Variants in REXO1 observed in about 807,000 individuals in gnomAD.
REXO1 encodes the protein REX1, RNA exonuclease 1 homolog.
A neutral mutation model predicts 102.6 loss-of-function variants in REXO1; 42 were observed. The ratio of observed to expected loss-of-function variants is 0.41; its 90% CI spans 0.32 to 0.53. The LOEUF is 0.53. Ranked by LOEUF, REXO1 falls within the 20% of genes least tolerant of loss-of-function variation. The pLI is 0.27. For missense variants in REXO1, 1,819 were observed against 1,732.5 expected (o/e 1.05, Z -0.89); for synonymous variants, 908 against 779.1 (o/e 1.17, Z -2.76).
intron 1 of REXO1, among the ~76,000 whole-genome samples, chr19:1,846,972 C>T (rs902744688): frequency 6.6e-6 from 1 of 152,202 alleles, no homozygotes; most frequent in African/African-American, 2.4e-5. Context: ...GCCTTCTTCA[C>T]CAACTCCCAG....
Position 1,821,680 on chromosome 19 carries a change from G to A in REXO1, c.2233C>T (p.Pro745Ser). The A allele has an allele frequency of 6.2e-7, 1 of 1,609,896 alleles. No individual in the cohort carries two copies. The highest frequency in any genetic ancestry group is 2.2e-5 in the East Asian group (1 of 44,794). ...HIPNPRLAAAPTGAKRTLAAS... is the reference protein window; with the variant it reads ...HIPNPRLAAASTGAKRTLAAS... ...GCAAGGGTCCTCTTGGCACCTGTGG[G>A]GGCTGGCGGGGCACAGGGGGTGTGG... Residue 745 changes from proline (P) to serine (S), a missense_variant and splice_region_variant, in exon 5 of 16, where the codon CCC (proline) becomes TCC (serine). Pro to Ser is a moderately conservative substitution (Grantham distance 74, BLOSUM62 -1). Coordinates refer to ENST00000170168, the MANE Select transcript of REXO1 (RefSeq NM_020695.4).
intron 3 of REXO1, chr19:1,823,992 C>T: frequency 2.5e-6 from 1 of 395,076 alleles, no homozygotes; most frequent in East Asian, 3.6e-5. Flanking sequence ...CCCCCACTCC[C>T]AGTGTCTCCC....
At position 1,818,824 on chromosome 19, in the gene REXO1, G is replaced by A. The variant is rs1435121142; in HGVS notation, c.2784C>T (p.Arg928=). The part of the protein sequence containing the change: ...EDLKGAALYS[R]LREYLLTQDQ... ...CCTGGGTGAGCAGGTACTCCCTGAGGCGGCTGTACAGGGCAGCCCCTGTGG... is the reference window on the plus strand; with the variant it reads ...CCTGGGTGAGCAGGTACTCCCTGAGACGGCTGTACAGGGCAGCCCCTGTGG... Residue 928 remains arginine (R), a synonymous_variant, in exon 9 of 16, where the codon CGC becomes CGT. Coordinates refer to ENST00000170168, the MANE Select transcript of REXO1 (RefSeq NM_020695.4). The A allele has an allele frequency of 3.1e-6, 5 of 1,609,232 alleles. No homozygotes were observed. Among genetic ancestry groups the A allele is most frequent in the African/African-American group, 1.3e-5 (1 of 74,930 alleles).
rs769220453 is a variant in REXO1, at chr19:1,826,936, C to T, written c.1853G>A (p.Arg618Gln). ...GACGCTGGTGGACTCGTTGAAGATC[C>T]GCAGGCACTCCTCCATGGGGTCGGA... ...FDSDPMEECL[R>Q]IFNESTSVKT... The change falls in exon 2 of 16, where the codon CGG (arginine) becomes CAG (glutamine). Residue 618 changes from arginine (R) to glutamine (Q), a missense_variant. By Grantham distance (43) the Arg-to-Gln change is conservative. Coordinates refer to ENST00000170168, the MANE Select transcript of REXO1 (RefSeq NM_020695.4). The surrounding 1 kb of genome is among the most constrained non-coding windows in gnomAD (Gnocchi z 4.3). 1.5e-5 allele frequency: 24 copies of T among 1,582,956 alleles called. No homozygotes were observed. Among genetic ancestry groups the T allele is most frequent in the South Asian group, 2.3e-5 (2 of 86,978 alleles).
At chr19:1,819,487 G>A (rs2069469331) in intron 7 of REXO1, among the ~76,000 whole-genome samples, 1 of 152,198 alleles carries the variant, frequency 6.6e-6, no homozygotes, top group South Asian at 2.1e-4. Context: ...AGCCTGCGAC[G>A]CCAACCCAGG....
rs565266359 is a variant in REXO1 at position 1,827,066 on chromosome 19, G to T, written c.1723C>A (p.Pro575Thr). 5.1e-6 allele frequency: 4 copies of T among 788,598 alleles called. No individual in the cohort carries two copies. The highest frequency in any genetic ancestry group is 2.9e-5 in the South Asian group (2 of 68,094). 48.9% of individuals were successfully genotyped at this position (788,598 alleles called of 1,614,324 possible). A position where few individuals can be genotyped will look rare whatever the true frequency, so the allele number is the denominator to read the frequency against. Residue 575 changes from proline to threonine, a missense_variant, in exon 2 of 16, where the codon CCC becomes ACC. Coordinates refer to ENST00000170168, the MANE Select transcript of REXO1 (RefSeq NM_020695.4). ...GPPKRLKASP[P>T]PSPAPSSSSS... ...GAGGAGGATGGGGCGGGGGAGGGGG[G>T]CGGGGAGGCCTTGAGCCGCTTGGGC...
In REXO1 at chr19:1,819,075, C is replaced by T. The variant is rs146851399; in HGVS notation, c.2707G>A (p.Ala903Thr). The change falls in exon 8 of 16, where the codon GCC (alanine) becomes ACC (threonine). Residue 903 changes from alanine (A) to threonine (T), a missense_variant. Physicochemically the swap from Ala to Thr is moderately conservative, Grantham distance 58 (BLOSUM62 0). Coordinates refer to ENST00000170168, the MANE Select transcript of REXO1 (RefSeq NM_020695.4). ...HEVVLGGRLA[A>T]KTSFSLSRPS... ...CGGCTGAGCGAGAAGCTGGTCTTGG[C>T]GGCCAACCTGCCCCCCAACACCACC... The T allele has an allele frequency of 3.5e-4, 564 of 1,599,024 alleles. 2 individuals are homozygous for T. In the African/African-American group the frequency reaches 4.5e-3, roughly 13 times the overall value.
Position 1,815,754 on chromosome 19 carries a change from G to A in REXO1, c.*312C>T. On this transcript the variant is annotated 3_prime_UTR_variant, in exon 16 of 16. Transcript: ENST00000170168. This position sits in a 1 kb window ranked among gnomAD's most constrained non-coding sequence, Gnocchi z 4.0. ...GGTGCCGGCCACCACCCGGGAGGGA[G>A]GGCCTGGCAGGAGGGGCAGGAGGGG... is the stretch of plus-strand genomic sequence containing the variant. 8 of 1,420,496 alleles carry A rather than the reference G, an allele frequency of 5.6e-6. No individual in the cohort carries two copies. In the South Asian group the frequency reaches 1.0e-4, roughly 18 times the overall value. 88.0% of individuals were successfully genotyped at this position (1,420,496 alleles called of 1,614,324 possible). A position where few individuals can be genotyped will look rare whatever the true frequency, so the allele number is the denominator to read the frequency against.
In REXO1 at chr19:1,826,050, C is replaced by G; in HGVS notation, c.1912-107G>C. ...AAGTGGGGAATGGAACAGTCCAGCCCCCAGGCACAGCAGCTGAGGGCTCAG... is the reference window on the plus strand; with the variant it reads ...AAGTGGGGAATGGAACAGTCCAGCCGCCAGGCACAGCAGCTGAGGGCTCAG... On this transcript the variant is annotated intron_variant, in intron 2 of 15. Coordinates refer to ENST00000170168, the MANE Select transcript of REXO1 (RefSeq NM_020695.4). The surrounding 1 kb of genome is among the most constrained non-coding windows in gnomAD (Gnocchi z 4.3). 1.3e-6 allele frequency: 1 copy of G among 767,440 alleles called. No individual in the cohort carries two copies. The highest frequency in any genetic ancestry group is 2.3e-6 in the Non-Finnish European group (1 of 442,774). 47.5% of individuals were successfully genotyped at this position (767,440 alleles called of 1,614,324 possible). A position where few individuals can be genotyped will look rare whatever the true frequency, so the allele number is the denominator to read the frequency against.
intron 5 of REXO1, 133 bp from the exon 6 acceptor site, chr19:1,820,528 A>C: frequency 9.8e-7 from 1 of 1,024,456 alleles, no homozygotes; most frequent in Non-Finnish European, 1.4e-6. Flanking sequence ...GCCTGGCTGC[A>C]GTAGGGACAG....
Position 1,817,788 on chromosome 19 carries a change from G to C in REXO1, c.3017-8C>G, listed in dbSNP as rs1408074811. ...TCTCCCAGCCTCCGGCCACTGCAGG[G>C]GACACAGACACACAGTCAGGGCCCG... is the stretch of plus-strand genomic sequence containing the variant. On this transcript the variant is annotated splice_polypyrimidine_tract_variant and splice_region_variant and intron_variant, in intron 10 of 15. Coordinates refer to ENST00000170168, the MANE Select transcript of REXO1 (RefSeq NM_020695.4). 6.2e-7 allele frequency: 1 copy of C among 1,610,870 alleles called. No individual in the cohort carries two copies. The highest frequency in any genetic ancestry group is 1.1e-5 in the South Asian group (1 of 90,772).
Position 1,828,312 on chromosome 19 carries a change from T to C in REXO1, c.477A>G (p.Leu159=). ...FDYSPGSHGL[L]SPDAGYQPTP... Reference sequence around the variant, plus strand: ...TGGGCTGGTAGCCGGCATCAGGGCTTAATAGGCCGTGGCTGCCGGGGCTGT... The same window carrying C: ...TGGGCTGGTAGCCGGCATCAGGGCTCAATAGGCCGTGGCTGCCGGGGCTGT... The change falls in exon 2 of 16, where the codon TTA becomes TTG. Residue 159 remains leucine, a synonymous_variant. Coordinates refer to ENST00000170168, the MANE Select transcript of REXO1 (RefSeq NM_020695.4). 1 of 1,609,706 alleles carries C rather than the reference T, an allele frequency of 6.2e-7. No homozygotes were observed. The highest frequency in any genetic ancestry group is 8.5e-7 in the Non-Finnish European group (1 of 1,178,382).
In REXO1 at chr19:1,823,737, T is replaced by C. The variant is rs1427460352; in HGVS notation, c.2065A>G (p.Thr689Ala). ...CGCAGGTAGCACACCTCCTGCGCCG[T>C]CGGGGGCCGGGCCGGGGGCACCGCG... Reference protein sequence around the residue: ...GPAVPPARPPTAQEVCYLRAQ... With the variant: ...GPAVPPARPPAAQEVCYLRAQ... The change falls in exon 4 of 16, where the codon ACG becomes GCG. Residue 689 changes from threonine to alanine, a missense_variant. By Grantham distance (58) the Thr-to-Ala change is moderately conservative. Coordinates refer to ENST00000170168, the MANE Select transcript of REXO1 (RefSeq NM_020695.4). The C allele has an allele frequency of 1.6e-6, 2 of 1,264,146 alleles. No homozygotes were observed. The highest frequency in any genetic ancestry group is 3.8e-5 in the Admixed American group (1 of 25,990). The allele number at this position is 1,264,146 out of a possible 1,614,324, so 78.3% of individuals were successfully genotyped here. A position where few individuals can be genotyped will look rare whatever the true frequency, so the allele number is the denominator to read the frequency against.
chr19:1,817,717 TGGCAGCCGACAGAGCCGGC>T lies in REXO1; in HGVS notation c.3061_3079del (p.Ala1021LysfsTer19). On this transcript the variant is annotated frameshift_variant, in exon 11 of 16. Coordinates refer to ENST00000170168, the MANE Select transcript of REXO1 (RefSeq NM_020695.4). LOFTEE classifies it high-confidence loss of function. ...GACGCCAGGGCTCACCTTTGCGACT[TGGCAGCCGACAGAGCCGGC>T]GGCAGCCGAGCAGCACATGTACTGG... 6.2e-7 allele frequency: 1 copy of T among 1,612,370 alleles called. No individual in the cohort carries two copies. The highest frequency in any genetic ancestry group is 8.5e-7 in the Non-Finnish European group (1 of 1,179,638).
At chr19:1,819,188 C>G in intron 7 of REXO1, 57 bp from the exon 8 acceptor site, 3 of 1,329,370 alleles carry the variant, frequency 2.3e-6, no homozygotes, top group Non-Finnish European at 3.1e-6. Context: ...AGACCCCTGC[C>G]CCGCCTGCTC....
chr19:1,842,795 G>A (rs1476068568), intron 1 of REXO1, among the ~76,000 whole-genome samples: 2 of 152,244 alleles, frequency 1.3e-5, no homozygotes, highest in Non-Finnish European at 2.9e-5. Flanking sequence ...CTTCTCCTCT[G>A]GCTCTTCCGT....
At chr19:1,846,092 G>A (rs1026064363) in intron 1 of REXO1, among the ~76,000 whole-genome samples, 3 of 152,174 alleles carry the variant, frequency 2.0e-5, no homozygotes, top group Admixed American at 6.5e-5. Flanking sequence ...CTCAATCCTG[G>A]GAGGCCAGCG....
rs143867072 is a variant in REXO1 at position 1,827,021 on chromosome 19, T to TGGTGGA, written c.1767_1768insTCCACC (p.Ser589_Thr590insSerThr). On this transcript the variant is annotated inframe_insertion, in exon 2 of 16. Transcript: ENST00000170168. ...TCCACATCCGCCCCCGCGCTGGAGG[T>TGGTGGA]GGAGGAGGAGGAGGAGGAGGAGGAG... 6.5e-6 allele frequency: 9 copies of TGGTGGA among 1,384,058 alleles called. No individual in the cohort carries two copies. The highest frequency in any genetic ancestry group is 8.8e-6 in the Non-Finnish European group (9 of 1,023,696). The allele number at this position is 1,384,058 out of a possible 1,614,324, so 85.7% of individuals were successfully genotyped here.
rs752667637 is a variant in REXO1 at position 1,818,609 on chromosome 19, C to A, written c.2903-14G>T. 1.9e-6 allele frequency: 3 copies of A among 1,608,162 alleles called. No homozygotes were observed. The highest frequency in any genetic ancestry group is 2.5e-6 in the Non-Finnish European group (3 of 1,178,266). The stretch of plus-strand genomic sequence containing the variant: ...TCCTGCAGGAAGCTGTGGGTGGGGA[C>A]CCAGGTGGAAGCTGAGGCTCACGCT... On this transcript the variant is annotated splice_polypyrimidine_tract_variant and intron_variant, in intron 9 of 15. Transcript: ENST00000170168.
Sources: allele counts gnomAD v4.1 joint callset (sites outside exome capture counted in the v4.1 genomes callset), GRCh38; gene constraint gnomAD v4.1.1; non-coding constraint Gnocchi (gnomAD v3.1); transcripts MANE v1.5; gene names NCBI Gene and HGNC (gene_info 2026-07-23, HGNC 2026-07-21).